The following HRNR variants were observed in gnomAD, a reference collection of about 807,000 sequenced individuals.
The protein encoded by HRNR is filaggrin family member 3.
HRNR carries 7 observed loss-of-function variants against 4.8 expected under a neutral mutation model. The observed-to-expected ratio is 1.47, with a 90% CI of 0.83 to 2.75. The LOEUF is 2.75. Among genes scored for constraint, HRNR ranks in the 30% most tolerant of loss-of-function variants. The pLI is 0.00. For missense variants in HRNR, 2,879 were observed against 3,010.4 expected, an observed-to-expected ratio of 0.96 and a Z score of 1.02; for synonymous variants, 1,023 against 1,242.7, an observed-to-expected ratio of 0.82 and a Z score of 3.72.
chr1:152,212,824 A>T lies in HRNR; in HGVS notation c.*252T>A. ...AGCTTTTCATTATTCCTCAAAGTTTAACCCTCATTCTAACAAGTTATTCCA... is the reference window on the plus strand; with the variant it reads ...AGCTTTTCATTATTCCTCAAAGTTTTACCCTCATTCTAACAAGTTATTCCA... On this transcript the variant is annotated 3_prime_UTR_variant, in exon 3 of 3. Coordinates refer to ENST00000368801, the MANE Select transcript of HRNR (RefSeq NM_001009931.3). 1 of 556,566 alleles carries T rather than the reference A, an allele frequency of 1.8e-6. No individual in the cohort carries two copies. The highest frequency in any genetic ancestry group is 3.1e-6 in the Non-Finnish European group (1 of 322,342). 34.5% of individuals were successfully genotyped at this position (556,566 alleles called of 1,614,324 possible). A position where few individuals can be genotyped will look rare whatever the true frequency, so the allele number is the denominator to read the frequency against.
rs1265802700 is a variant in HRNR, at chr1:152,220,737, G to A, written c.892C>T (p.Arg298Ter). The change falls in exon 3 of 3, where the codon CGA becomes TGA. Residue 298 changes from arginine to a stop codon, truncating the protein, a stop_gained. Coordinates refer to ENST00000368801, the MANE Select transcript of HRNR (RefSeq NM_001009931.3). LOFTEE classifies it low-confidence loss of function (END_TRUNC). ...GACTGGCGAGATCCAGACCCTTGTCGGCCGTGGCCCAAAGACTGACGGGAA... is the reference window on the plus strand; with the variant it reads ...GACTGGCGAGATCCAGACCCTTGTCAGCCGTGGCCCAAAGACTGACGGGAA... ...SGSRQSLGHG[R>*]QGSGSRQSPS... The A allele has an allele frequency of 7.4e-6, 12 of 1,613,968 alleles. No individual in the cohort carries two copies. The highest frequency in any genetic ancestry group is 5.5e-5 in the South Asian group (5 of 91,064).
At position 152,218,854 on chromosome 1, in the gene HRNR, G is replaced by A; in HGVS notation, c.2775C>T (p.Gly925=). 1.2e-6 allele frequency: 2 copies of A among 1,613,122 alleles called. No homozygotes were observed. Among genetic ancestry groups the A allele is most frequent in the Middle Eastern group, 3.3e-4 (2 of 6,056 alleles). ...GACCAAAGCCAGAAGACTGGCCTGA[G>A]CCAGACCCATGTCGGCCACTGCTGG... ...RSSSSGRHGS[G]SGQSSGFGHK... The change falls in exon 3 of 3, where the codon GGC becomes GGT. Residue 925 remains glycine, a synonymous_variant. Coordinates refer to ENST00000368801, the MANE Select transcript of HRNR (RefSeq NM_001009931.3).
chr1:152,213,290 C>T lies in HRNR; in HGVS notation c.8339G>A (p.Gly2780Glu), dbSNP rs1216349784. The change falls in exon 3 of 3, where the codon GGG becomes GAG. Residue 2780 changes from glycine (G) to glutamate (E), a missense_variant. Gly to Glu is a moderately conservative substitution (Grantham distance 98). This residue lies in a region of HRNR where 158 missense variants were observed against 107.6 expected (regional missense o/e 1.47). Coordinates refer to ENST00000368801, the MANE Select transcript of HRNR (RefSeq NM_001009931.3). ...LSHGRHGSGSGQSSSYGQHGS... is the reference protein window; with the variant it reads ...LSHGRHGSGSEQSSSYGQHGS... Reference sequence around the variant, plus strand: ...ATGTTGGCCGTAGCTGGAAGACTGCCCTGAACCAGACCCGTGTCGGCCGTG... The same window carrying T: ...ATGTTGGCCGTAGCTGGAAGACTGCTCTGAACCAGACCCGTGTCGGCCGTG... 3 of 1,303,750 alleles carry T rather than the reference C, an allele frequency of 2.3e-6. No individual in the cohort carries two copies. Among genetic ancestry groups the T allele is most frequent in the Non-Finnish European group, 3.3e-6 (3 of 920,176 alleles). 80.8% of individuals were successfully genotyped at this position (1,303,750 alleles called of 1,614,324 possible).
rs556987064 is a variant in HRNR, at chr1:152,212,985, T to C, written c.*91A>G. 6.6e-7 allele frequency: 1 copy of C among 1,509,210 alleles called. No homozygotes were observed. Among genetic ancestry groups the C allele is most frequent in the Admixed American group, 2.2e-5 (1 of 46,258 alleles). The allele number at this position is 1,509,210 out of a possible 1,614,324, so 93.5% of individuals were successfully genotyped here. On this transcript the variant is annotated 3_prime_UTR_variant, in exon 3 of 3. Transcript: ENST00000368801. ...TGATTCACTTTTAGAACGAATTTCA[T>C]GATGGATTGCTTGTCTTTCATGATG...
rs370652380 is a variant in HRNR, at chr1:152,219,437, G to C, written c.2192C>G (p.Ser731Cys). The C allele has an allele frequency of 1.2e-6, 2 of 1,614,102 alleles. No individual in the cohort carries two copies. Among genetic ancestry groups the C allele is most frequent in the African/African-American group, 2.7e-5 (2 of 75,016 alleles). The change falls in exon 3 of 3, where the codon TCT (serine) becomes TGT (cysteine). Residue 731 changes from serine (S) to cysteine (C), a missense_variant. By Grantham distance (112) the Ser-to-Cys change is moderately radical (BLOSUM62 -1). Coordinates refer to ENST00000368801, the MANE Select transcript of HRNR (RefSeq NM_001009931.3). Reference protein sequence around the residue: ...SHSSGYRKHGSRSGQSSRSEQ... With the variant: ...SHSSGYRKHGCRSGQSSRSEQ... ...ACTCCTAGATGACTGTCCTGACCTA[G>C]AGCCGTGTTTTCTGTAGCCGGAGGA...
rs949741935 is a variant in HRNR at position 152,219,110 on chromosome 1, C to A, written c.2519G>T (p.Ser840Ile). 1.9e-6 allele frequency: 3 copies of A among 1,613,562 alleles called. No homozygotes were observed. Among genetic ancestry groups the A allele is most frequent in the Admixed American group, 1.7e-5 (1 of 59,962 alleles). ...TGACGTAGATCCATGTCGTCCCTGG[C>A]TAGAGAAGTGACCTGAGGCAGAACC... is the stretch of plus-strand genomic sequence containing the variant. ...QHGSASGHFS[S>I]QGRHGSTSGQ... Residue 840 changes from serine (S) to isoleucine (I), a missense_variant, in exon 3 of 3, where the codon AGC (serine) becomes ATC (isoleucine). This residue lies in a region of HRNR where 2,646 missense variants were observed against 1,377.7 expected (regional missense o/e 1.92). Coordinates refer to ENST00000368801, the MANE Select transcript of HRNR (RefSeq NM_001009931.3).
intron 2 of HRNR, among the ~76,000 whole-genome samples, chr1:152,222,137 G>C (rs1649023944): frequency 6.6e-6 from 1 of 152,182 alleles, no homozygotes. Flanking sequence ...AAGAGAAAGA[G>C]AAGGGGAAAA....
intron 2 of HRNR, among the ~76,000 whole-genome samples, chr1:152,222,047 T>G (rs928461822): frequency 6.6e-6 from 1 of 152,114 alleles, no homozygotes; most frequent in South Asian, 2.1e-4. Context: ...AGAGGAAACA[T>G]TGGGGGTCCT....
At position 152,220,078 on chromosome 1, in the gene HRNR, A is replaced by G; in HGVS notation, c.1551T>C (p.Tyr517=). The change falls in exon 3 of 3, where the codon TAT becomes TAC. Residue 517 remains tyrosine (Y), a synonymous_variant. Coordinates refer to ENST00000368801, the MANE Select transcript of HRNR (RefSeq NM_001009931.3). ...GACGGGAGCCAGACCCATGCTGACC[A>G]TAGCTGGAAGATGAACCTGCACTAG... ...QGSSAGSSSS[Y]GQHGSGSRQS... 6 of 1,613,628 alleles carry G rather than the reference A, an allele frequency of 3.7e-6. No homozygotes were observed. The highest frequency in any genetic ancestry group is 5.1e-6 in the Non-Finnish European group (6 of 1,179,766).
In HRNR at chr1:152,218,323, G is replaced by C; in HGVS notation, c.3306C>G (p.His1102Gln). ...GACTTGAGCCAGAGCCATGCTGACC[G>C]TGGCTGGAAGACTGACCTGAGCTAG... ...HGASSGQSSS[H>Q]GQHGSGSSQS... Residue 1102 changes from histidine (H) to glutamine (Q), a missense_variant, in exon 3 of 3, where the codon CAC becomes CAG. By Grantham distance (24) the His-to-Gln change is conservative. Transcript: ENST00000368801. The C allele has an allele frequency of 6.2e-7, 1 of 1,607,720 alleles. No homozygotes were observed. Among genetic ancestry groups the C allele is most frequent in the Non-Finnish European group, 8.5e-7 (1 of 1,178,778 alleles).
rs777120775 is a variant in HRNR, at chr1:152,218,944, C to T, written c.2685G>A (p.Gln895=). The change falls in exon 3 of 3, where the codon CAG becomes CAA. Residue 895 remains glutamine, a synonymous_variant. Transcript: ENST00000368801. ...GAGACTGCCCTGACCCAGACCCACGCTGGCCGTGGCCTGGAGACTGGCCAG... is the reference window on the plus strand; with the variant it reads ...GAGACTGCCCTGACCCAGACCCACGTTGGCCGTGGCCTGGAGACTGGCCAG... The part of the protein sequence containing the change: ...SGSGQSPGHG[Q]RGSGSGQSPS... The T allele has an allele frequency of 1.9e-6, 3 of 1,613,018 alleles. No individual in the cohort carries two copies. The highest frequency in any genetic ancestry group is 1.1e-5 in the South Asian group (1 of 91,016).
Position 152,221,000 on chromosome 1 carries a change from G to T in HRNR, c.629C>A (p.Ser210Tyr), listed in dbSNP as rs979426575. The T allele has an allele frequency of 3.1e-6, 5 of 1,614,236 alleles. No homozygotes were observed. Among genetic ancestry groups the T allele is most frequent in the Non-Finnish European group, 4.2e-6 (5 of 1,180,046 alleles). Residue 210 changes from serine to tyrosine, a missense_variant, in exon 3 of 3, where the codon TCT (serine) becomes TAT (tyrosine). Transcript: ENST00000368801. Reference sequence around the variant, plus strand: ...ATTGCTGGAAGACTGTCCGGAGCCAGAGCCGTGTTGGCCATAGTTGGGAGA... The same window carrying T: ...ATTGCTGGAAGACTGTCCGGAGCCATAGCCGTGTTGGCCATAGTTGGGAGA... ...GQSPNYGQHG[S>Y]GSGQSSSNDT...
chr1:152,223,026 C>T, intron 2 of HRNR, 90 bp downstream of exon 2: 2 of 1,336,336 alleles, frequency 1.5e-6, no homozygotes, highest in Non-Finnish European at 2.1e-6. Context: ...AAGGACAATC[C>T]TCTAGGATGT....
chr1:152,219,366 G>T lies in HRNR; in HGVS notation c.2263C>A (p.His755Asn). Reference sequence around the variant, plus strand: ...GAAGATTGATGGGAGCCCGACCCATGCTGACCATAGCTGGAAGACAAACCT... The same window carrying T: ...GAAGATTGATGGGAGCCCGACCCATTCTGACCATAGCTGGAAGACAAACCT... ...SSGLSSSYGQ[H>N]GSGSHQSSGH... is the part of the protein sequence containing the mutation. The change falls in exon 3 of 3, where the codon CAT becomes AAT. Residue 755 changes from histidine to asparagine, a missense_variant. This residue lies in a region of HRNR where 2,646 missense variants were observed against 1,377.7 expected (regional missense o/e 1.92). Transcript: ENST00000368801. 1.2e-6 allele frequency: 2 copies of T among 1,614,104 alleles called. No individual in the cohort carries two copies. The highest frequency in any genetic ancestry group is 1.6e-4 in the Middle Eastern group (1 of 6,062).
rs890076285 is a variant in HRNR at position 152,212,227 on chromosome 1, T to A, written c.*849A>T. On this transcript the variant is annotated 3_prime_UTR_variant, in exon 3 of 3. Transcript: ENST00000368801. The stretch of plus-strand genomic sequence containing the variant: ...TCATCTGGGCATGGATGATATTTTT[T>A]CAGGTGGAAACGTTATTGAACTACA... The A allele has an allele frequency of 1.3e-5, 2 of 152,168 alleles. No individual in the cohort carries two copies. Among genetic ancestry groups the A allele is most frequent in the Non-Finnish European group, 2.9e-5 (2 of 68,016 alleles). The allele number at this position is 152,168 out of a possible 1,614,324, so 9.4% of individuals were successfully genotyped here. A position where few individuals can be genotyped will look rare whatever the true frequency, so the allele number is the denominator to read the frequency against.
chr1:152,212,903 C>A lies in HRNR; in HGVS notation c.*173G>T, dbSNP rs1330496837. ...ATGCCTAACAGTCTTTGGAAGGAAC[C>A]CCATAACAAGATATATGCTACAGTT... is the stretch of plus-strand genomic sequence containing the variant. On this transcript the variant is annotated 3_prime_UTR_variant, in exon 3 of 3. Coordinates refer to ENST00000368801, the MANE Select transcript of HRNR (RefSeq NM_001009931.3). 6 of 856,174 alleles carry A rather than the reference C, an allele frequency of 7.0e-6. No homozygotes were observed. Among genetic ancestry groups the A allele is most frequent in the Non-Finnish European group, 8.8e-6 (5 of 570,568 alleles). 53.0% of individuals were successfully genotyped at this position (856,174 alleles called of 1,614,324 possible).
chr1:152,213,220 A>T lies in HRNR; in HGVS notation c.8409T>A (p.Ser2803Arg). 1 of 1,614,150 alleles carries T rather than the reference A, an allele frequency of 6.2e-7. No homozygotes were observed. The highest frequency in any genetic ancestry group is 8.5e-7 in the Non-Finnish European group (1 of 1,180,030). ...AAGAATACCCATCTTGCCCTGAGCC[A>T]CTTCCATGCTGACTATAACCAGAGG... is the stretch of plus-strand genomic sequence containing the variant. ...GQSSGYSQHG[S>R]GSGQDGYSYC... The change falls in exon 3 of 3, where the codon AGT (serine) becomes AGA (arginine). Residue 2803 changes from serine (S) to arginine (R), a missense_variant. Around this residue, in one of 8 missense-constraint regions of HRNR, gnomAD observed 158 missense variants for 107.6 expected, o/e 1.47. Coordinates refer to ENST00000368801, the MANE Select transcript of HRNR (RefSeq NM_001009931.3).
At position 152,221,219 on chromosome 1, in the gene HRNR, T is replaced by C. The variant is rs538172957; in HGVS notation, c.410A>G (p.Asn137Ser). 6.2e-7 allele frequency: 1 copy of C among 1,614,204 alleles called. No individual in the cohort carries two copies. Among genetic ancestry groups the C allele is most frequent in the African/African-American group, 1.3e-5 (1 of 75,068 alleles). The change falls in exon 3 of 3, where the codon AAT (asparagine) becomes AGT (serine). Residue 137 changes from asparagine (N) to serine (S), a missense_variant. Asn to Ser is a conservative substitution (Grantham distance 46, BLOSUM62 1). Transcript: ENST00000368801. ...TCTGACGTTTCTGGAATAGGAATCATTCTCTCCTGCACTCCAACTTGAATG... is the reference window on the plus strand; with the variant it reads ...TCTGACGTTTCTGGAATAGGAATCACTCTCTCCTGCACTCCAACTTGAATG... ...FSHSSWSAGENDSYSRNVRGS... is the reference protein window; with the variant it reads ...FSHSSWSAGESDSYSRNVRGS...
In HRNR at chr1:152,213,115, A is replaced by G. The variant is rs1648448614; in HGVS notation, c.8514T>C (p.Tyr2838=). ...AGCACCTCTGCTCTTGGACATATTC[A>G]TAGGGTGAAGTGCTACTAGGAAAAC... ...FLSFPSSTSP[Y]EYVQEQRCYF... Residue 2838 remains tyrosine, a synonymous_variant, in exon 3 of 3, where the codon TAT becomes TAC. Transcript: ENST00000368801. 9 of 1,613,940 alleles carry G rather than the reference A, an allele frequency of 5.6e-6. No homozygotes were observed. The East Asian group carries it at 2.0e-4, about 36-fold the overall frequency.
Sources: gnomAD v4.1 joint callset for allele counts (sites outside exome capture counted in the v4.1 genomes callset) on GRCh38, gnomAD v4.1.1 for gene constraint, gnomAD v4.1.1 regional missense constraint, MANE v1.5 for transcripts, NCBI Gene and HGNC (gene_info 2026-07-23, HGNC 2026-07-21) for gene names.